Variants in SPOCK1 observed in about 807,000 individuals in gnomAD.
SPOCK1 encodes the protein SPARC (osteonectin), cwcv and kazal like domains proteoglycan 1, also known as testican-1.
SPOCK1 carries 23 observed loss-of-function variants against 55.3 expected under a neutral mutation model. The ratio of observed to expected loss-of-function variants is 0.42; its 90% confidence interval spans 0.30 to 0.59. The LOEUF (loss-of-function observed/expected upper bound fraction) is 0.59. Among genes scored for constraint, SPOCK1 ranks in the 20% least tolerant of loss-of-function variants. The probability of loss-of-function intolerance (pLI) is 0.22; values close to 1 mark genes in which losing one functional copy is unlikely to be tolerated. For missense variants in SPOCK1, 499 were observed against 552.5 expected (o/e 0.90, Z 0.97); for synonymous variants, 226 against 221.0 (o/e 1.02, Z -0.20).
chr5:137,487,240 G>A (rs551173524), intron 2 of SPOCK1, among the ~76,000 whole-genome samples: 3 of 149,846 alleles, frequency 2.0e-5, no homozygotes, highest in Non-Finnish European at 4.4e-5. Flanking sequence ...TCAGAATGAG[G>A]AATACTGCCA....
chr5:137,209,781 G>T (rs988763416), intron 3 of SPOCK1, among the ~76,000 whole-genome samples: 1 of 152,254 alleles, frequency 6.6e-6, no homozygotes, highest in South Asian at 2.1e-4. Flanking sequence ...TGTGGTTACT[G>T]CGATCAAGTT....
chr5:137,454,084 T>C (rs939141019), intron 2 of SPOCK1, among the ~76,000 whole-genome samples: 2 of 152,158 alleles, frequency 1.3e-5, no homozygotes, highest in African/African-American at 4.8e-5. Flanking sequence ...AGAGTCCATA[T>C]ATTGTATTCA....
chr5:136,999,871 G>A (rs1751115991), intron 6 of SPOCK1, among the ~76,000 whole-genome samples: 1 of 152,136 alleles, frequency 6.6e-6, no homozygotes, highest in Non-Finnish European at 1.5e-5. Context: ...GGCATCACAG[G>A]ATAGCTGTAA....
intron 2 of SPOCK1, among the ~76,000 whole-genome samples, chr5:137,300,366 A>G (rs1015872521): frequency 1.3e-5 from 2 of 152,212 alleles, no homozygotes; most frequent in Non-Finnish European, 2.9e-5. Flanking sequence ...TTTCAGGGTC[A>G]GTTTCATCTA....
At chr5:136,999,630 G>A (rs1396302283) in intron 6 of SPOCK1, among the ~76,000 whole-genome samples, 2 of 152,102 alleles carry the variant, frequency 1.3e-5, no homozygotes, top group Admixed American at 6.6e-5. Context: ...TGACAAAAAC[G>A]GGGAAGAAAA....
At chr5:137,117,095 G>A (rs541982828) in intron 4 of SPOCK1, among the ~76,000 whole-genome samples, 106 of 152,252 alleles carry the variant, frequency 7.0e-4, no homozygotes, top group African/African-American at 2.3e-3. Flanking sequence ...AGGACATGGG[G>A]CACACCCAGG....
intron 2 of SPOCK1, among the ~76,000 whole-genome samples, chr5:137,439,862 T>C (rs1040433472): frequency 4.6e-5 from 7 of 152,220 alleles, no homozygotes; most frequent in East Asian, 1.9e-4. Flanking sequence ...CCAACACTGA[T>C]TCTTAATCAA....
In SPOCK1 at chr5:137,173,282, T is replaced by C. The variant is rs1754789423; in HGVS notation, c.233-32588A>G. On this transcript the variant is annotated intron_variant, in intron 3 of 10. Coordinates refer to ENST00000394945, the MANE Select transcript of SPOCK1 (RefSeq NM_004598.4). ...ACAGCCAAGAAGGTAGCCCTTAGAG[T>C]TGACCTTTTCCAATGTATGGCCTTC... is the stretch of plus-strand genomic sequence containing the variant. Among the ~76,000 whole-genome samples, 4 of 151,924 alleles carry C rather than the reference T, an allele frequency of 2.6e-5. No individual in the cohort carries two copies. In the South Asian group the frequency reaches 6.3e-4, roughly 24 times the overall value.
intron 6 of SPOCK1, among the ~76,000 whole-genome samples, chr5:137,027,110 A>T (rs2126983520): frequency 6.6e-6 from 1 of 152,344 alleles, no homozygotes; most frequent in East Asian, 1.9e-4. Context: ...AAATACCTAG[A>T]GGACAAACAT....
chr5:137,147,813 T>C (rs756087656), intron 3 of SPOCK1, among the ~76,000 whole-genome samples: 1 of 152,178 alleles, frequency 6.6e-6, no homozygotes, highest in Admixed American at 6.5e-5. Context: ...ACATAATACA[T>C]TTTTTAAACA....
chr5:137,099,176 G>A (rs1318142262), intron 5 of SPOCK1, among the ~76,000 whole-genome samples: 2 of 152,184 alleles, frequency 1.3e-5, no homozygotes, highest in African/African-American at 4.8e-5. Context: ...CTAGATGAGA[G>A]AGCAAAGCAG....
chr5:137,096,817 GT>G (rs572251866), intron 5 of SPOCK1, among the ~76,000 whole-genome samples: 247 of 152,286 alleles, frequency 1.6e-3, no homozygotes, highest in African/African-American at 5.8e-3. Context: ...CCCCTCCCAG[GT>G]TAGTGTGAAT....
rs748284037 is a variant in SPOCK1, at chr5:136,988,442, T to G, written c.908A>C (p.Tyr303Ser). The change falls in exon 8 of 11, where the codon TAC becomes TCC. Residue 303 changes from tyrosine to serine, a missense_variant. By Grantham distance (144) the Tyr-to-Ser change is moderately radical. Transcript: ENST00000394945. ...CTTACCTCCAGGCTTCTGGAAGCAG[T>G]AGCACCACTCATTGTTAGAAAGCTT... Reference protein sequence around the residue: ...DGKLSNNEWCYCFQKPGGLPC... With the variant: ...DGKLSNNEWCSCFQKPGGLPC... The G allele has an allele frequency of 5.0e-6, 8 of 1,614,064 alleles. No individual in the cohort carries two copies. Among genetic ancestry groups the G allele is most frequent in the Non-Finnish European group, 6.8e-6 (8 of 1,179,956 alleles).
At chr5:137,130,273 A>G (rs1357159800) in intron 4 of SPOCK1, among the ~76,000 whole-genome samples, 1 of 152,000 alleles carries the variant, frequency 6.6e-6, no homozygotes, top group Non-Finnish European at 1.5e-5. Flanking sequence ...ATTTTTTTTC[A>G]TCTGTCTCTT....
At chr5:137,236,675 T>C (rs928713002) in intron 3 of SPOCK1, among the ~76,000 whole-genome samples, 3 of 152,070 alleles carry the variant, frequency 2.0e-5, no homozygotes, top group Non-Finnish European at 2.9e-5. Flanking sequence ...CTGACCTGGA[T>C]TGGGGAGGGA....
intron 3 of SPOCK1, among the ~76,000 whole-genome samples, chr5:137,203,644 T>C (rs1214988441): frequency 6.6e-6 from 1 of 152,234 alleles, no homozygotes; most frequent in Non-Finnish European, 1.5e-5. Flanking sequence ...GAGAAAATCA[T>C]CTTCTCTCTA....
intron 5 of SPOCK1, among the ~76,000 whole-genome samples, chr5:137,075,563 G>C (rs1411911042): frequency 1.3e-5 from 2 of 152,190 alleles, no homozygotes; most frequent in African/African-American, 4.8e-5. Flanking sequence ...TGTTTATCTT[G>C]TCAGTGATTT....
In SPOCK1 at chr5:137,366,073, G is replaced by A. The variant is rs1327739110; in HGVS notation, c.187-99018C>T. ...CATGGGAGGCAGGGACAGGGGACAG[G>A]TTCCCAGAAGAGCTCTTTGCCCTGA... On this transcript the variant is annotated intron_variant, in intron 2 of 10. Transcript: ENST00000394945. Among the ~76,000 whole-genome samples the A allele has an allele frequency of 2.0e-5, 3 of 152,176 alleles. No individual in the cohort carries two copies. The East Asian group carries it at 5.8e-4, about 29-fold the overall frequency.
chr5:136,977,854 A>G lies in SPOCK1; in HGVS notation c.*800T>C. The stretch of plus-strand genomic sequence containing the variant: ...AGTGCAAAAAAGGACTTTAATACAA[A>G]TTTCTTATTCCAGAAATTTTGTTCC... On this transcript the variant is annotated 3_prime_UTR_variant, in exon 11 of 11. Transcript: ENST00000394945. 1 of 398,900 alleles carries G rather than the reference A, an allele frequency of 2.5e-6. No homozygotes were observed. Among genetic ancestry groups the G allele is most frequent in the Non-Finnish European group, 4.4e-6 (1 of 226,040 alleles). 24.7% of individuals were successfully genotyped at this position (398,900 alleles called of 1,614,324 possible).
Sources: gnomAD v4.1 joint callset for allele counts (sites outside exome capture counted in the v4.1 genomes callset) on GRCh38, gnomAD v4.1.1 for gene constraint, MANE v1.5 for transcripts, NCBI Gene and HGNC (gene_info 2026-07-23, HGNC 2026-07-21) for gene names.